The following NPAS3 variants were observed in gnomAD, a reference collection of about 807,000 sequenced individuals.
NPAS3 encodes neuronal PAS domain protein 3.
A neutral mutation model predicts 73.1 loss-of-function variants in NPAS3; 14 were observed. The ratio of observed to expected loss-of-function variants is 0.19; its 90% CI spans 0.13 to 0.30. The LOEUF (loss-of-function observed/expected upper bound fraction) is 0.30. Ranked by LOEUF, NPAS3 falls within the 10% of genes least tolerant of loss-of-function variation. The pLI is 1.00. For synonymous variants in NPAS3, 620 were observed against 541.5 expected (o/e 1.14, Z -2.01); for missense variants, 1,096 against 1,250.0 (o/e 0.88, Z 1.86).
intron 6 of NPAS3, among the ~76,000 whole-genome samples, chr14:33,690,886 A>C (rs1271603966): frequency 2.6e-5 from 4 of 152,078 alleles, no homozygotes; most frequent in Admixed American, 1.3e-4. Flanking sequence ...AAAAAAAAAA[A>C]AACGATTCGT....
chr14:33,747,834 G>T (rs1260658323), intron 7 of NPAS3, among the ~76,000 whole-genome samples: 1 of 152,142 alleles, frequency 6.6e-6, no homozygotes, highest in East Asian at 1.9e-4. Context: ...ATTGTCCTGA[G>T]ATATTCCCAT....
At chr14:33,180,468 A>G (rs2045750439) in intron 2 of NPAS3, among the ~76,000 whole-genome samples, 2 of 152,166 alleles carry the variant, frequency 1.3e-5, no homozygotes, top group South Asian at 4.1e-4. Flanking sequence ...CATGTTCTTA[A>G]TGTTGCAAAT....
chr14:33,068,717 C>T (rs1427911225), intron 2 of NPAS3, among the ~76,000 whole-genome samples: 2 of 152,066 alleles, frequency 1.3e-5, no homozygotes, highest in Non-Finnish European at 2.9e-5. Context: ...AGATGGTGAC[C>T]ATTAAAAGAA....
intron 5 of NPAS3, among the ~76,000 whole-genome samples, chr14:33,584,059 A>C (rs894154396): frequency 2.6e-5 from 4 of 152,214 alleles, no homozygotes; most frequent in Non-Finnish European, 2.9e-5. Context: ...AAATAGCAGC[A>C]GTACCTTTGT....
At chr14:33,579,442 CAGGAATG>C (rs890024097) in intron 5 of NPAS3, among the ~76,000 whole-genome samples, 5 of 152,114 alleles carry the variant, frequency 3.3e-5, no homozygotes, top group African/African-American at 1.2e-4. Context: ...TTCAGTTCCT[CAGGAATG>C]TTCACCTGTA....
intron 5 of NPAS3, among the ~76,000 whole-genome samples, chr14:33,585,383 A>G (rs1406999722): frequency 6.6e-6 from 1 of 152,240 alleles, no homozygotes; most frequent in East Asian, 1.9e-4. Flanking sequence ...ATAGACCAGC[A>G]GTCGAGAATC....
chr14:33,496,680 G>T (rs1489394989), intron 4 of NPAS3, among the ~76,000 whole-genome samples: 1 of 152,086 alleles, frequency 6.6e-6, no homozygotes, highest in Non-Finnish European at 1.5e-5. Flanking sequence ...CAATAAACTA[G>T]GTTTTGATGG....
At chr14:33,591,414 G>C (rs537085082) in intron 5 of NPAS3, among the ~76,000 whole-genome samples, 30 of 152,164 alleles carry the variant, frequency 2.0e-4, no homozygotes, top group Non-Finnish European at 2.8e-4. Flanking sequence ...CATTTGTCTT[G>C]GGAAGTGCAG....
At position 33,363,045 on chromosome 14, in the gene NPAS3, G is replaced by A. The variant is rs372718260; in HGVS notation, c.386-4141G>A. On this transcript the variant is annotated intron_variant, in intron 3 of 11. Transcript: ENST00000356141. Reference sequence around the variant, plus strand: ...GCAGGGCACAAGGCAAGTAGGGCTCGTGACTTTTCCCCTTTCATTATGTGT... The same window carrying A: ...GCAGGGCACAAGGCAAGTAGGGCTCATGACTTTTCCCCTTTCATTATGTGT... Among the ~76,000 whole-genome samples the A allele has an allele frequency of 4.6e-5, 7 of 152,028 alleles. No individual in the cohort carries two copies. In the East Asian group the frequency reaches 5.8e-4, roughly 13 times the overall value.
At chr14:33,645,408 T>C (rs1159404669) in intron 5 of NPAS3, among the ~76,000 whole-genome samples, 2 of 152,090 alleles carry the variant, frequency 1.3e-5, no homozygotes, top group Admixed American at 6.5e-5. Flanking sequence ...TTCATCAAAA[T>C]AAAGGAAAAT....
intron 3 of NPAS3, among the ~76,000 whole-genome samples, chr14:33,236,989 C>T (rs972664560): frequency 4.6e-5 from 7 of 152,148 alleles, no homozygotes; most frequent in South Asian, 4.1e-4. Flanking sequence ...AAAAATCAAA[C>T]TGAATTATCT....
intron 1 of NPAS3, among the ~76,000 whole-genome samples, chr14:32,956,674 A>G (rs904893174): frequency 2.6e-5 from 4 of 152,174 alleles, no homozygotes; most frequent in Non-Finnish European, 4.4e-5. Context: ...TCTTTAATGC[A>G]TATTAGCCTT....
intron 3 of NPAS3, among the ~76,000 whole-genome samples, chr14:33,350,569 C>T (rs2044989655): frequency 6.6e-6 from 1 of 152,220 alleles, no homozygotes; most frequent in Non-Finnish European, 1.5e-5. Context: ...GGGATCACGC[C>T]TCTAAGAACA....
At chr14:33,194,854 A>G (rs1351876100) in intron 2 of NPAS3, among the ~76,000 whole-genome samples, 3 of 152,150 alleles carry the variant, frequency 2.0e-5, no homozygotes, top group Non-Finnish European at 2.9e-5. Flanking sequence ...GGTCAGTTGG[A>G]GGCTGAACCA....
intron 1 of NPAS3, among the ~76,000 whole-genome samples, chr14:33,051,050 G>A (rs2040684911): frequency 6.6e-6 from 1 of 151,850 alleles, no homozygotes. Flanking sequence ...CGAGGCGGGT[G>A]GATCACGAGG....
chr14:33,783,881 T>C (rs1190711773), intron 9 of NPAS3, among the ~76,000 whole-genome samples: 1 of 152,172 alleles, frequency 6.6e-6, no homozygotes, highest in African/African-American at 2.4e-5. Flanking sequence ...ATACTAGTCT[T>C]TAGACGGCAC....
chr14:33,048,306 G>T (rs1214569060), intron 1 of NPAS3, among the ~76,000 whole-genome samples: 6 of 152,214 alleles, frequency 3.9e-5, no homozygotes, highest in East Asian at 3.8e-4. Context: ...CTTTAGTGCT[G>T]GGGCCTACTT....
chr14:33,050,635 T>G (rs1466653018), intron 1 of NPAS3, among the ~76,000 whole-genome samples: 3 of 152,222 alleles, frequency 2.0e-5, no homozygotes, highest in Non-Finnish European at 4.4e-5. Flanking sequence ...AGATGATAGA[T>G]TATCATGAAA....
chr14:33,542,779 C>T (rs2054581814), intron 4 of NPAS3, among the ~76,000 whole-genome samples: 1 of 152,198 alleles, frequency 6.6e-6, no homozygotes, highest in South Asian at 2.1e-4. Context: ...TGCGCACGCA[C>T]ATGATGGGAG....
Sources: gnomAD v4.1 joint callset for allele counts (sites outside exome capture counted in the v4.1 genomes callset) on GRCh38, gnomAD v4.1.1 for gene constraint, MANE v1.5 for transcripts, NCBI Gene and HGNC (gene_info 2026-07-23, HGNC 2026-07-21) for gene names.